The following MID1 variants were observed in gnomAD, a reference collection of about 807,000 sequenced individuals.
MID1 encodes the protein midline 1, also known as E3 ubiquitin-protein ligase Midline-1.
A neutral mutation model predicts 40.4 loss-of-function variants in MID1; 7 were observed. The ratio of observed to expected loss-of-function variants is 0.17; its 90% confidence interval spans 0.10 to 0.33. MID1 has a LOEUF of 0.33. Ranked by LOEUF, MID1 falls within the 10% of genes least tolerant of loss-of-function variation. MID1 has a pLI of 1.00. For synonymous variants in MID1, 229 were observed against 221.2 expected (o/e 1.04, Z -0.31); for missense variants, 367 against 558.5 (o/e 0.66, Z 3.46).
intron 1 of MID1, among the ~76,000 whole-genome samples, chrX:10,685,527 C>G (rs1313842659): frequency 9.0e-6 from 1 of 111,638 alleles, no homozygotes; most frequent in Non-Finnish European, 1.9e-5. Context: ...GTCATAACAC[C>G]CCCATTCCAG....
intron 1 of MID1, among the ~76,000 whole-genome samples, chrX:10,791,729 T>C (rs946902879): frequency 1.2e-4 from 13 of 111,077 alleles, no homozygotes; most frequent in African/African-American, 4.3e-4. Context: ...TTTAAGTAAT[T>C]TACCCACCAT....
At chrX:10,769,355 C>T (rs2043750465) in intron 1 of MID1, among the ~76,000 whole-genome samples, 1 of 110,980 alleles carries the variant, frequency 9.0e-6, no homozygotes. Context: ...CCATATAGTG[C>T]CATCTACTGG....
intron 1 of MID1, among the ~76,000 whole-genome samples, chrX:10,799,626 C>T: frequency 8.9e-6 from 1 of 112,031 alleles, no homozygotes. Flanking sequence ...TAACATATTT[C>T]TAGAACTTCC....
At chrX:10,538,722 T>TA (rs1462849158) in intron 2 of MID1, among the ~76,000 whole-genome samples, 1 of 112,125 alleles carries the variant, frequency 8.9e-6, no homozygotes, top group Non-Finnish European at 1.9e-5. Flanking sequence ...AGCTCTCAGT[T>TA]ACGTCTTTCT....
At chrX:10,496,957 T>C (rs1931284341) in intron 3 of MID1, among the ~76,000 whole-genome samples, 1 of 112,395 alleles carries the variant, frequency 8.9e-6, no homozygotes, top group Admixed American at 9.5e-5. Context: ...ATTTGTTTAA[T>C]GAACAAAGAG....
At chrX:10,830,820 A>ATTATAGAACACATCATTAAAT (rs1440317754) in intron 1 of MID1, among the ~76,000 whole-genome samples, 1 of 112,291 alleles carries the variant, frequency 8.9e-6, no homozygotes, top group African/African-American at 3.2e-5. Flanking sequence ...ACATACACAC[A>ATTATAGAACACATCATTAAAT]TTATAGAACA....
At chrX:10,663,451 A>G (rs1157382061) in intron 1 of MID1, among the ~76,000 whole-genome samples, 1 of 112,331 alleles carries the variant, frequency 8.9e-6, no homozygotes, top group East Asian at 2.8e-4. Context: ...CAGCAGCTGA[A>G]TAATACTTTT....
At chrX:10,526,551 CTG>C (rs958608759) in intron 2 of MID1, among the ~76,000 whole-genome samples, 4 of 111,693 alleles carry the variant, frequency 3.6e-5, no homozygotes, top group Non-Finnish European at 7.5e-5. Flanking sequence ...CATCATCTAA[CTG>C]TTTACAGTTC....
intron 1 of MID1, among the ~76,000 whole-genome samples, chrX:10,832,775 G>C (rs917502850): frequency 5.2e-4 from 58 of 111,916 alleles, no homozygotes; most frequent in African/African-American, 1.9e-3. Context: ...ACAATTGGCT[G>C]TTCCCAAGTA....
At position 10,466,207 on chromosome X, in the gene MID1, A is replaced by G. The variant is rs982400729; in HGVS notation, c.1285+3490T>C. ...CTTTTCTCTTACCTTGGAATTTCTG[A>G]TCATCTTTTGAATTTCATCTTCTTC... On this transcript the variant is annotated intron_variant, in intron 7 of 9. Coordinates refer to ENST00000317552, the MANE Select transcript of MID1 (RefSeq NM_000381.4). 3.6e-5 allele frequency among the ~76,000 whole-genome samples: 4 copies of G among 111,787 alleles called. No individual in the cohort carries two copies. The Admixed American group carries it at 3.8e-4, about 11-fold the overall frequency.
chrX:10,459,682 T>A lies in MID1; in HGVS notation c.1411A>T (p.Ser471Cys), dbSNP rs749981475. 4.5e-5 allele frequency: 55 copies of A among 1,211,828 alleles called. No individual in the cohort carries two copies. Among genetic ancestry groups the A allele is most frequent in the Non-Finnish European group, 6.1e-5 (55 of 895,557 alleles). The change falls in exon 8 of 10, where the codon AGC becomes TGC. Residue 471 changes from serine to cysteine, a missense_variant. Ser to Cys is a moderately radical substitution (Grantham distance 112). Around this residue, in one of 3 missense-constraint regions of MID1, gnomAD observed 275 missense variants for 383.1 expected, o/e 0.72. Coordinates refer to ENST00000317552, the MANE Select transcript of MID1 (RefSeq NM_000381.4). ...FMVKAINQAG[S>C]RSSEPGKLKT... ...AACTTCCCAGGCTCACTGCTGCGGC[T>A]GCCCGCCTGGTTGATGGCCTTGACC...
intron 1 of MID1, among the ~76,000 whole-genome samples, chrX:10,615,179 T>C (rs1275235893): frequency 9.0e-6 from 1 of 111,446 alleles, no homozygotes; most frequent in Non-Finnish European, 1.9e-5. Context: ...TCCCTACCCA[T>C]ACAAATATAG....
intron 2 of MID1, 107 bp downstream of exon 2, chrX:10,566,781 G>C: frequency 1.2e-6 from 1 of 851,081 alleles, no homozygotes; most frequent in Admixed American, 2.3e-5. Context: ...AGATAACAAA[G>C]GTGAGGAGAA....
chrX:10,749,665 A>C (rs1003619370), intron 1 of MID1, among the ~76,000 whole-genome samples: 10 of 111,931 alleles, frequency 8.9e-5, no homozygotes, highest in African/African-American at 2.9e-4. Flanking sequence ...TGGCTTCAGG[A>C]AGCTTACAGT....
intron 1 of MID1, among the ~76,000 whole-genome samples, chrX:10,703,991 C>A (rs889320966): frequency 8.9e-6 from 1 of 112,248 alleles, no homozygotes; most frequent in African/African-American, 3.2e-5. Context: ...TAAAACAAAT[C>A]TATTGCTAAA....
At position 10,562,387 on chromosome X, in the gene MID1, A is replaced by G. The variant is rs949019742; in HGVS notation, c.660+4501T>C. Among the ~76,000 whole-genome samples the G allele has an allele frequency of 1.7e-4, 18 of 103,542 alleles. 4 individuals are homozygous for G. The highest frequency in any genetic ancestry group is 5.5e-4 in the African/African-American group (14 of 25,639). The allele number at this position is 103,542 out of a possible 115,157, so 89.9% of individuals were successfully genotyped here. A position where few individuals can be genotyped will look rare whatever the true frequency, so the allele number is the denominator to read the frequency against. On this transcript the variant is annotated intron_variant, in intron 2 of 9. Coordinates refer to ENST00000317552, the MANE Select transcript of MID1 (RefSeq NM_000381.4). ...AACTTAAAGTAAAAAAAAAAAAAAA[A>G]AAAAGAAAATTTCACTCTCTGAGTG... is the stretch of plus-strand genomic sequence containing the variant.
chrX:10,493,373 C>T (rs1310523530), intron 4 of MID1, among the ~76,000 whole-genome samples: 1 of 111,502 alleles, frequency 9.0e-6, no homozygotes, highest in Non-Finnish European at 1.9e-5. Context: ...AAAGAAACAG[C>T]ACTGCCAAAA....
intron 1 of MID1, among the ~76,000 whole-genome samples, chrX:10,721,717 T>C (rs1354034656): frequency 1.3e-5 from 1 of 77,965 alleles, no homozygotes; most frequent in Non-Finnish European, 2.8e-5. Flanking sequence ...GGGATTTAAA[T>C]CTAAAAAAAA....
intron 1 of MID1, among the ~76,000 whole-genome samples, chrX:10,669,160 A>G (rs1405603283): frequency 9.9e-6 from 1 of 101,312 alleles, no homozygotes; most frequent in Non-Finnish European, 2.0e-5. Flanking sequence ...CGGAGCTTGC[A>G]GTGAGCCGAG....
Sources: allele counts gnomAD v4.1 joint callset (sites outside exome capture counted in the v4.1 genomes callset), GRCh38; gene constraint gnomAD v4.1.1; regional missense constraint gnomAD v4.1.1; transcripts MANE v1.5; gene names NCBI Gene and HGNC (gene_info 2026-07-23, HGNC 2026-07-21).